DCLK1: variants seen among roughly 807,000 people sequenced by gnomAD.
DCLK1 encodes the protein serine/threonine-protein kinase DCLK1.
Under a neutral mutation model 86.2 loss-of-function variants are expected in DCLK1, and 16 were observed. The ratio of observed to expected loss-of-function variants is 0.19; its 90% CI spans 0.13 to 0.28. The LOEUF is 0.28. DCLK1 is among the 10% of genes least tolerant of loss of function. DCLK1 has a pLI of 1.00. For synonymous variants in DCLK1, 369 were observed against 370.5 expected (o/e 1.00, Z 0.05); for missense variants, 590 against 940.2 (o/e 0.63, Z 4.87).
At chr13:36,069,957 T>G (rs1222649347) in intron 3 of DCLK1, among the ~76,000 whole-genome samples, 2 of 152,184 alleles carry the variant, frequency 1.3e-5, no homozygotes. Context: ...TTGCCTTTAG[T>G]GCAATCAGCC....
At chr13:36,093,484 G>A (rs931183182) in intron 3 of DCLK1, among the ~76,000 whole-genome samples, 9 of 152,136 alleles carry the variant, frequency 5.9e-5, no homozygotes, top group Admixed American at 2.6e-4. Context: ...AAACAGCACC[G>A]TGTGATTAAA....
chr13:35,983,938 A>G (rs771064970), intron 3 of DCLK1, among the ~76,000 whole-genome samples: 30 of 151,906 alleles, frequency 2.0e-4, no homozygotes, highest in Non-Finnish European at 3.5e-4. Flanking sequence ...CTGAATTGCA[A>G]TCTGGAAATC....
intron 2 of DCLK1, among the ~76,000 whole-genome samples, chr13:36,116,308 C>T (rs2138199032): frequency 6.6e-6 from 1 of 152,258 alleles, no homozygotes; most frequent in South Asian, 2.1e-4. Flanking sequence ...TACATTTCCT[C>T]TAATAAGATT....
intron 4 of DCLK1, among the ~76,000 whole-genome samples, chr13:35,906,280 CT>C (rs1234744839): frequency 1.3e-5 from 2 of 148,838 alleles, no homozygotes; most frequent in Admixed American, 1.3e-4. Flanking sequence ...TAGATGCTTT[CT>C]AATTTTCACT....
intron 6 of DCLK1, chr13:35,850,098 T>C: frequency 4.1e-6 from 4 of 984,778 alleles, no homozygotes; most frequent in Non-Finnish European, 4.8e-6. Context: ...CTTTATGAGA[T>C]GTGTCGTTGT....
intron 16 of DCLK1, chr13:35,787,939 A>C (rs1485464013): frequency 4.8e-6 from 2 of 420,692 alleles, no homozygotes; most frequent in African/African-American, 2.0e-5. Context: ...CTTTGGCATT[A>C]GCACTAAATA....
At chr13:35,797,001 C>T (rs2086826123) in intron 15 of DCLK1, among the ~76,000 whole-genome samples, 1 of 152,148 alleles carries the variant, frequency 6.6e-6, no homozygotes, top group Admixed American at 6.5e-5. Context: ...AATTCTCTGT[C>T]AAGTGGAGAC....
intron 6 of DCLK1, chr13:35,846,500 AACC>A: frequency 2.0e-6 from 2 of 985,368 alleles, no homozygotes; most frequent in African/African-American, 1.7e-5. Flanking sequence ...TACTAAAATG[AACC>A]ACATTTTAAA....
chr13:35,879,277 A>T (rs978901399), intron 4 of DCLK1, among the ~76,000 whole-genome samples: 24 of 152,198 alleles, frequency 1.6e-4, no homozygotes, highest in African/African-American at 5.5e-4. Context: ...CACAACTTCC[A>T]GAACACCCAG....
At chr13:36,016,156 G>A (rs968074137) in intron 3 of DCLK1, among the ~76,000 whole-genome samples, 5 of 152,152 alleles carry the variant, frequency 3.3e-5, no homozygotes, top group Admixed American at 1.3e-4. Flanking sequence ...AGAATCACTA[G>A]TCTGGGGGAA....
intron 3 of DCLK1, among the ~76,000 whole-genome samples, chr13:36,025,560 A>G (rs1204804941): frequency 6.6e-6 from 1 of 152,228 alleles, no homozygotes; most frequent in Non-Finnish European, 1.5e-5. Context: ...AAAGGAATGA[A>G]GTACCACTGA....
chr13:36,082,366 A>G (rs1406346972), intron 3 of DCLK1, among the ~76,000 whole-genome samples: 1 of 152,158 alleles, frequency 6.6e-6, no homozygotes, highest in African/African-American at 2.4e-5. Context: ...TATAACATGA[A>G]ATATGTGTTA....
chr13:36,068,475 T>C (rs567296829), intron 3 of DCLK1, among the ~76,000 whole-genome samples: 1 of 152,324 alleles, frequency 6.6e-6, no homozygotes, highest in South Asian at 2.1e-4. Context: ...TTGTATAATA[T>C]AGCTTTTACA....
intron 3 of DCLK1, among the ~76,000 whole-genome samples, chr13:36,003,154 C>T (rs1029579823): frequency 6.6e-6 from 1 of 152,222 alleles, no homozygotes; most frequent in Non-Finnish European, 1.5e-5. Context: ...TCCAATCAAT[C>T]TCATGTGATT....
At chr13:35,948,334 G>A (rs1877492226) in intron 3 of DCLK1, among the ~76,000 whole-genome samples, 1 of 152,108 alleles carries the variant, frequency 6.6e-6, no homozygotes, top group Non-Finnish European at 1.5e-5. Flanking sequence ...TCATAAGATG[G>A]CCAGTTGCAG....
chr13:35,984,251 T>C (rs1186276824), intron 3 of DCLK1, among the ~76,000 whole-genome samples: 1 of 152,208 alleles, frequency 6.6e-6, no homozygotes, highest in Non-Finnish European at 1.5e-5. Flanking sequence ...CAAGTCATCA[T>C]TAATAAAACG....
intron 2 of DCLK1, among the ~76,000 whole-genome samples, chr13:36,113,711 C>A (rs997504117): frequency 6.6e-6 from 1 of 152,016 alleles, no homozygotes; most frequent in Non-Finnish European, 1.5e-5. Flanking sequence ...ATCTATAAAA[C>A]AAAACCTCAT....
At position 35,935,234 on chromosome 13, in the gene DCLK1, A is replaced by T. The variant is rs9601668; in HGVS notation, c.823+12124T>A. On this transcript the variant is annotated intron_variant, in intron 4 of 16. Coordinates refer to ENST00000360631, the MANE Select transcript of DCLK1 (RefSeq NM_001330071.2). ...GGGTGAGAACAGCTAGAAAGATATA[A>T]CCCAGTCAGACTACAACTGCCCTAG... is the stretch of plus-strand genomic sequence containing the variant. 4.9e-3 allele frequency among the ~76,000 whole-genome samples: 742 copies of T among 152,294 alleles called. 3 individuals carry two copies. The highest frequency in any genetic ancestry group is 0.017 in the African/African-American group (706 of 41,568).
At chr13:36,059,756 A>G (rs1883468604) in intron 3 of DCLK1, among the ~76,000 whole-genome samples, 1 of 152,108 alleles carries the variant, frequency 6.6e-6, no homozygotes, top group East Asian at 1.9e-4. Flanking sequence ...TCTTGCTTAT[A>G]TTGTTCTAAC....
Sources: allele counts gnomAD v4.1 joint callset (sites outside exome capture counted in the v4.1 genomes callset), GRCh38; gene constraint gnomAD v4.1.1; transcripts MANE v1.5; gene names NCBI Gene and HGNC (gene_info 2026-07-23, HGNC 2026-07-21).